The following KDM2B variants were observed in gnomAD, a reference collection of about 807,000 sequenced individuals.
KDM2B encodes lysine-specific demethylase 2B.
KDM2B carries 26 observed loss-of-function variants against 150.0 expected under a neutral mutation model. The ratio of observed to expected loss-of-function variants is 0.17; its 90% CI spans 0.13 to 0.24. KDM2B has a LOEUF of 0.24. Ranked by LOEUF, KDM2B falls within the 10% of genes least tolerant of loss-of-function variation. KDM2B has a pLI of 1.00. For missense variants in KDM2B, 1,265 were observed against 1,816.9 expected, an observed-to-expected ratio of 0.70 and a Z score of 5.52; for synonymous variants, 734 against 729.5, an observed-to-expected ratio of 1.01 and a Z score of -0.10.
At chr12:121,554,674 G>C (rs1889770018) in intron 4 of KDM2B, among the ~76,000 whole-genome samples, 2 of 152,008 alleles carry the variant, frequency 1.3e-5, no homozygotes, top group Non-Finnish European at 2.9e-5. Context: ...GCCTCCCAAA[G>C]TGCTGGGATT....
At chr12:121,497,475 T>C (rs1555301231) in intron 11 of KDM2B, among the ~76,000 whole-genome samples, 1 of 152,020 alleles carries the variant, frequency 6.6e-6, no homozygotes. Flanking sequence ...TGGCTAATTT[T>C]TGTTATTTTT....
At position 121,561,977 on chromosome 12, in the gene KDM2B, G is replaced by A. The variant is rs191630027; in HGVS notation, c.398-12339C>T. Among the ~76,000 whole-genome samples, 1,053 of 152,288 alleles carry A rather than the reference G, an allele frequency of 6.9e-3. 14 individuals are homozygous for A. The highest frequency in any genetic ancestry group is 0.024 in the African/African-American group (1,013 of 41,552). ...ACCTGAGGTCAGGAGTTCGAGACCA[G>A]CCTGGCCAACATGGCGAAACCCTGT... On this transcript the variant is annotated intron_variant, in intron 4 of 22. Transcript: ENST00000377071.
chr12:121,542,019 T>C (rs1306961269), intron 6 of KDM2B, among the ~76,000 whole-genome samples: 1 of 152,176 alleles, frequency 6.6e-6, no homozygotes, highest in Admixed American at 6.5e-5. Flanking sequence ...TCTCCTCCCC[T>C]TGAGTATGAG....
chr12:121,479,072 T>TA (rs1555297355), intron 12 of KDM2B, among the ~76,000 whole-genome samples: 1 of 151,976 alleles, frequency 6.6e-6, no homozygotes, highest in Non-Finnish European at 1.5e-5. Flanking sequence ...CTTTAATCTT[T>TA]AAAATGGAAG....
intron 22 of KDM2B, chr12:121,433,203 A>T (rs11065575): frequency 8.8e-6 from 4 of 456,520 alleles, no homozygotes; most frequent in South Asian, 1.5e-5. Context: ...CTTCCAACAA[A>T]GAAGCTAGAA....
chr12:121,523,219 G>C (rs1360942197), intron 8 of KDM2B, among the ~76,000 whole-genome samples: 2 of 152,244 alleles, frequency 1.3e-5, no homozygotes, highest in South Asian at 2.1e-4. Context: ...CTGCATCAAA[G>C]GTTCTGCACA....
At chr12:121,524,788 G>C in intron 8 of KDM2B, 2 of 411,810 alleles carry the variant, frequency 4.9e-6, no homozygotes, top group Non-Finnish European at 9.8e-6. Context: ...CAGAGTCATC[G>C]ACAATATGAA....
At chr12:121,417,211 T>C in the KDM2B span, among the ~76,000 whole-genome samples, 1 of 152,260 alleles carries the variant, frequency 6.6e-6, no homozygotes. The surrounding 1 kb of genome is among the most constrained non-coding windows in gnomAD (Gnocchi z 5.0). Context: ...GTTCAAGCTC[T>C]GTTTTGTTAA....
intron 4 of KDM2B, among the ~76,000 whole-genome samples, chr12:121,553,769 T>C (rs1233936910): frequency 1.3e-5 from 2 of 152,094 alleles, no homozygotes; most frequent in Non-Finnish European, 2.9e-5. Flanking sequence ...CCAGTCCCAG[T>C]GAACAGACTG....
chr12:121,499,822 C>T (rs953890207), intron 11 of KDM2B, among the ~76,000 whole-genome samples: 3 of 151,858 alleles, frequency 2.0e-5, no homozygotes, highest in East Asian at 1.9e-4. Context: ...TGGTGGCACG[C>T]GTCTGTGGTC....
chr12:121,510,629 C>CA lies in KDM2B; in HGVS notation c.1175-591dup, dbSNP rs1333177818. ...GAAACACAGTGAAACCCCATCTCTA[C>CA]AAAAAATACACAAATTAGCTGGGTG... On this transcript the variant is annotated intron_variant, in intron 10 of 22. Transcript: ENST00000377071. 3.9e-5 allele frequency among the ~76,000 whole-genome samples: 6 copies of CA among 151,974 alleles called. No individual in the cohort carries two copies. In the East Asian group the frequency reaches 7.7e-4, roughly 20 times the overall value.
chr12:121,480,807 C>A (rs1189652912), intron 12 of KDM2B, among the ~76,000 whole-genome samples: 1 of 151,924 alleles, frequency 6.6e-6, no homozygotes, highest in African/African-American at 2.4e-5. Context: ...GATACTCCTT[C>A]CCATGCTGGC....
chr12:121,580,677 C>T (rs1296637402), intron 1 of KDM2B, 109 bp downstream of exon 1: 6 of 1,405,246 alleles, frequency 4.3e-6, no homozygotes, highest in Non-Finnish European at 5.7e-6. Context: ...GGCGTGAAAG[C>T]CCCCGGGGCC....
At chr12:121,568,352 C>T (rs1369295874) in intron 4 of KDM2B, among the ~76,000 whole-genome samples, 1 of 151,922 alleles carries the variant, frequency 6.6e-6, no homozygotes, top group Non-Finnish European at 1.5e-5. Context: ...CCCAGCTACT[C>T]AGGAGGCTGA....
intron 1 of KDM2B, chr12:121,580,548 G>C: frequency 8.3e-7 from 1 of 1,199,814 alleles, no homozygotes; most frequent in Non-Finnish European, 1.1e-6. Context: ...TGCAGGCGGC[G>C]GGCGCATCCC....
intron 4 of KDM2B, among the ~76,000 whole-genome samples, chr12:121,562,119 G>A (rs1009321089): frequency 1.3e-5 from 2 of 150,916 alleles, no homozygotes; most frequent in African/African-American, 2.4e-5. Flanking sequence ...GCAGCGAGCC[G>A]AGATCAAGCC....
intron 3 of KDM2B, 24 bp from the exon 4 acceptor site, chr12:121,574,617 T>G: frequency 6.2e-7 from 1 of 1,612,566 alleles, no homozygotes; most frequent in Non-Finnish European, 8.5e-7. Flanking sequence ...AGCACAGACC[T>G]TTGGTGAGAG....
intron 4 of KDM2B, among the ~76,000 whole-genome samples, chr12:121,566,710 C>A (rs1179923424): frequency 6.6e-6 from 1 of 151,864 alleles, no homozygotes; most frequent in Non-Finnish European, 1.5e-5. Context: ...GCAGGAGAAT[C>A]GCTTGAATCC....
At chr12:121,576,385 G>A (rs1891492920) in intron 2 of KDM2B, among the ~76,000 whole-genome samples, 1 of 152,164 alleles carries the variant, frequency 6.6e-6, no homozygotes, top group Non-Finnish European at 1.5e-5. Context: ...AAGGGGAGGG[G>A]GGAAAAGCCG....
Sources: allele counts gnomAD v4.1 joint callset (sites outside exome capture counted in the v4.1 genomes callset), GRCh38; gene constraint gnomAD v4.1.1; non-coding constraint Gnocchi (gnomAD v3.1); transcripts MANE v1.5; gene names NCBI Gene and HGNC (gene_info 2026-07-23, HGNC 2026-07-21).